Variants in TTC28 observed in about 807,000 individuals in gnomAD.
TTC28 encodes the protein tetratricopeptide repeat protein 28.
Under a neutral mutation model 198.0 loss-of-function variants are expected in TTC28, and 61 were observed. That is an observed-to-expected ratio of 0.31 (90% CI 0.25 to 0.38). The LOEUF (loss-of-function observed/expected upper bound fraction) is 0.38, where lower values mean the gene tolerates loss of function less well. Among genes scored for constraint, TTC28 ranks in the 10% least tolerant of loss-of-function variants. The pLI, the probability that TTC28 is intolerant of heterozygous loss-of-function variation, is 1.00. For missense variants in TTC28, 2,678 were observed against 3,164.0 expected, an observed-to-expected ratio of 0.85 and a Z score of 3.69; for synonymous variants, 1,171 against 1,297.8, an observed-to-expected ratio of 0.90 and a Z score of 2.10.
At chr22:28,443,334 A>G (rs1003510765) in intron 2 of TTC28, among the ~76,000 whole-genome samples, 2 of 152,244 alleles carry the variant, frequency 1.3e-5, no homozygotes, top group Non-Finnish European at 2.9e-5. Flanking sequence ...TCTTCTCAAA[A>G]AAGATTAGAC....
intron 2 of TTC28, among the ~76,000 whole-genome samples, chr22:28,347,991 A>G (rs1394177494): frequency 6.6e-6 from 1 of 152,256 alleles, no homozygotes; most frequent in Non-Finnish European, 1.5e-5. Flanking sequence ...ATCAAAACCA[A>G]AAGCAGACTG....
intron 5 of TTC28, among the ~76,000 whole-genome samples, chr22:28,262,380 G>A (rs866121188): frequency 1.8e-4 from 28 of 152,096 alleles, no homozygotes; most frequent in Non-Finnish European, 1.5e-4. Context: ...GCAATAGTTC[G>A]GAGTTGCTAA....
intron 5 of TTC28, among the ~76,000 whole-genome samples, chr22:28,166,038 G>C (rs1223030066): frequency 6.6e-6 from 1 of 152,052 alleles, no homozygotes; most frequent in Non-Finnish European, 1.5e-5. Context: ...CCTAGTCTCG[G>C]GTAAAACAGA....
chr22:28,060,839 G>A (rs1400543903), intron 12 of TTC28, among the ~76,000 whole-genome samples: 1 of 152,202 alleles, frequency 6.6e-6, no homozygotes, highest in Non-Finnish European at 1.5e-5. Flanking sequence ...TACACCAACA[G>A]TGTAAAAGTG....
At chr22:28,181,345 G>C (rs76469443) in intron 5 of TTC28, among the ~76,000 whole-genome samples, 11,226 of 152,148 alleles carry the variant, frequency 0.074, 561 homozygotes, top group African/African-American at 0.13. Flanking sequence ...AAGCTTTCTG[G>C]TATGAGAAGC....
intron 6 of TTC28, among the ~76,000 whole-genome samples, chr22:28,148,569 C>T (rs988576108): frequency 6.7e-6 from 1 of 149,440 alleles, no homozygotes; most frequent in Admixed American, 6.7e-5. Context: ...GCCAAGATTG[C>T]GTCACTGCAC....
At chr22:28,492,592 T>C (rs1029811595) in intron 2 of TTC28, among the ~76,000 whole-genome samples, 3 of 152,148 alleles carry the variant, frequency 2.0e-5, no homozygotes, top group African/African-American at 4.8e-5. Flanking sequence ...AGTGATAAGA[T>C]ACCATGCAGA....
rs200368468 is a variant in TTC28, at chr22:28,386,739, C to A, written c.382-80096G>T. Reference sequence around the variant, plus strand: ...GAATCTTGATAATCATATACTACTGCATTTTGTCACTTCTTGCAGTGTTTC... The same window carrying A: ...GAATCTTGATAATCATATACTACTGAATTTTGTCACTTCTTGCAGTGTTTC... On this transcript the variant is annotated intron_variant, in intron 2 of 22. Coordinates refer to ENST00000397906, the MANE Select transcript of TTC28 (RefSeq NM_001145418.2). 2.6e-5 allele frequency among the ~76,000 whole-genome samples: 4 copies of A among 152,138 alleles called. No homozygotes were observed. In the East Asian group the frequency reaches 7.7e-4, roughly 29 times the overall value.
At chr22:28,441,993 C>T (rs1207132909) in intron 2 of TTC28, among the ~76,000 whole-genome samples, 5 of 151,744 alleles carry the variant, frequency 3.3e-5, no homozygotes, top group South Asian at 2.1e-4. Flanking sequence ...GCCAAATGTA[C>T]AGCGGCCAAC....
At chr22:27,989,587 C>T (rs1330388854) in intron 21 of TTC28, among the ~76,000 whole-genome samples, 2 of 152,040 alleles carry the variant, frequency 1.3e-5, no homozygotes, top group Non-Finnish European at 2.9e-5. Context: ...ACTGAGACTA[C>T]AGGCATGCAC....
chr22:28,068,791 G>T lies in TTC28; in HGVS notation c.3932+25289C>A, dbSNP rs539807746. ...TTGATATGAACTATTTTTATTTCAAGAACTGTCCAGGGTAATGAAGGATTT... is the reference window on the plus strand; with the variant it reads ...TTGATATGAACTATTTTTATTTCAATAACTGTCCAGGGTAATGAAGGATTT... On this transcript the variant is annotated intron_variant, in intron 12 of 22. Coordinates refer to ENST00000397906, the MANE Select transcript of TTC28 (RefSeq NM_001145418.2). 5.3e-5 allele frequency among the ~76,000 whole-genome samples: 8 copies of T among 152,280 alleles called. No homozygotes were observed. In the South Asian group the frequency reaches 1.7e-3, roughly 32 times the overall value.
At chr22:28,326,918 G>A (rs920863677) in intron 2 of TTC28, among the ~76,000 whole-genome samples, 5 of 151,272 alleles carry the variant, frequency 3.3e-5, no homozygotes, top group Non-Finnish European at 5.9e-5. Context: ...TACTAAAGGC[G>A]TTTTTAAAAG....
chr22:28,068,892 A>G (rs2146764449), intron 12 of TTC28, among the ~76,000 whole-genome samples: 1 of 152,248 alleles, frequency 6.6e-6, no homozygotes, highest in East Asian at 1.9e-4. Flanking sequence ...TCTCAAATTC[A>G]CTACAGTAAG....
At chr22:28,191,798 G>A (rs1011838095) in intron 5 of TTC28, among the ~76,000 whole-genome samples, 2 of 152,158 alleles carry the variant, frequency 1.3e-5, no homozygotes, top group South Asian at 2.1e-4. Context: ...CAGGAAGCTC[G>A]AACTGGGTGG....
intron 5 of TTC28, among the ~76,000 whole-genome samples, chr22:28,184,211 A>G (rs1923971856): frequency 1.3e-5 from 2 of 152,230 alleles, no homozygotes; most frequent in Non-Finnish European, 2.9e-5. Context: ...CAAGTATTTA[A>G]TCACTAGTAG....
intron 2 of TTC28, among the ~76,000 whole-genome samples, chr22:28,519,097 CAAAG>C (rs1257186662): frequency 6.6e-6 from 1 of 152,058 alleles, no homozygotes; most frequent in Non-Finnish European, 1.5e-5. Flanking sequence ...CAGAAATAGT[CAAAG>C]AGAGCAGGGA....
intron 6 of TTC28, among the ~76,000 whole-genome samples, chr22:28,123,296 C>T (rs1942834990): frequency 6.6e-6 from 1 of 151,976 alleles, no homozygotes; most frequent in East Asian, 1.9e-4. Flanking sequence ...CACTCTCGTG[C>T]CCAGGCTGGA....
intron 2 of TTC28, among the ~76,000 whole-genome samples, chr22:28,583,463 A>G (rs1180728125): frequency 6.6e-6 from 1 of 152,238 alleles, no homozygotes; most frequent in East Asian, 1.9e-4. Context: ...GCTGTGCAAT[A>G]CAACAGAAGG....
intron 14 of TTC28, among the ~76,000 whole-genome samples, chr22:28,010,556 C>T (rs952405593): frequency 7.2e-5 from 11 of 152,220 alleles, no homozygotes; most frequent in Non-Finnish European, 1.2e-4. Context: ...GCCTCAAGTA[C>T]AGAGCCGCCA....
Sources: allele counts gnomAD v4.1 joint callset (sites outside exome capture counted in the v4.1 genomes callset), GRCh38; gene constraint gnomAD v4.1.1; transcripts MANE v1.5; gene names NCBI Gene and HGNC (gene_info 2026-07-23, HGNC 2026-07-21).